The following KAZN variants were observed in gnomAD, a reference collection of about 807,000 sequenced individuals.
The protein encoded by KAZN is kazrin, periplakin interacting protein.
A neutral mutation model predicts 87.4 loss-of-function variants in KAZN; 40 were observed. The observed-to-expected ratio is 0.46, with a 90% CI of 0.36 to 0.60. KAZN has a LOEUF of 0.60. Among genes scored for constraint, KAZN ranks in the 20% least tolerant of loss-of-function variants. The pLI is 0.00. For missense variants in KAZN, 898 were observed against 1,073.9 expected (o/e 0.84, Z 2.29); for synonymous variants, 466 against 458.3 (o/e 1.02, Z -0.22).
chr1:13,918,256 C>A (rs1639934197), intron 1 of KAZN, among the ~76,000 whole-genome samples: 3 of 152,252 alleles, frequency 2.0e-5, no homozygotes, highest in East Asian at 3.9e-4. Flanking sequence ...TGAGAAAAAT[C>A]AAAATATCAG....
chr1:14,596,898 A>C (rs1284021402), upstream of KAZN, among the ~76,000 whole-genome samples: 1 of 152,232 alleles, frequency 6.6e-6, no homozygotes, highest in Admixed American at 6.5e-5. Flanking sequence ...TGCTGCTATG[A>C]ACATTCATGT....
rs34718502 is a variant in KAZN at position 14,890,840 on chromosome 1, C to CTTTTTTT, written c.227-69827_227-69821dup. Among the ~76,000 whole-genome samples the CTTTTTTT allele has an allele frequency of 3.3e-4, 23 of 69,670 alleles. 1 individual carries two copies. Among genetic ancestry groups the CTTTTTTT allele is most frequent in the African/African-American group, 7.3e-4 (12 of 16,426 alleles). The allele number at this position is 69,670 out of a possible 152,430, so 45.7% of individuals were successfully genotyped here. A position where few individuals can be genotyped will look rare whatever the true frequency, so the allele number is the denominator to read the frequency against. ...CACTGTGCCCAGCCAGGAATCTGGA[C>CTTTTTTT]TTTTTTTTTTTTTTTTTTTTTTTGA... On this transcript the variant is annotated intron_variant, in intron 1 of 14. Coordinates refer to ENST00000376030, the MANE Select transcript of KAZN (RefSeq NM_201628.3).
At chr1:14,215,636 G>A (rs1646942681) in intron 2 of KAZN, among the ~76,000 whole-genome samples, 1 of 152,164 alleles carries the variant, frequency 6.6e-6, no homozygotes, top group Non-Finnish European at 1.5e-5. Flanking sequence ...AACTGCTATA[G>A]GTCTGGCGCT....
rs548590883 is a variant in KAZN, at chr1:14,736,530, C to T, written c.226+137307C>T. On this transcript the variant is annotated intron_variant, in intron 1 of 14. Coordinates refer to ENST00000376030, the MANE Select transcript of KAZN (RefSeq NM_201628.3). ...TTCATCGTGTTGGTCAGGCTGATCT[C>T]GAACTCCTCACCTCAGGTGATCCAC... Among the ~76,000 whole-genome samples the T allele has an allele frequency of 6.3e-5, 9 of 142,290 alleles. No homozygotes were observed. In the East Asian group the frequency reaches 1.3e-3, roughly 20 times the overall value. 93.3% of individuals were successfully genotyped at this position (142,290 alleles called of 152,430 possible).
intron 1 of KAZN, among the ~76,000 whole-genome samples, chr1:14,749,596 C>T (rs549750137): frequency 2.6e-5 from 4 of 152,276 alleles, no homozygotes; most frequent in African/African-American, 9.6e-5. Context: ...CCTGTGGTTA[C>T]AGGAGGAAGG....
chr1:13,970,157 ATTC>A (rs1217969769), intron 1 of KAZN, among the ~76,000 whole-genome samples: 2 of 152,210 alleles, frequency 1.3e-5, no homozygotes, highest in African/African-American at 4.8e-5. Context: ...AAATAAGTAT[ATTC>A]TTGGTTTTTA....
At chr1:14,870,924 G>A (rs12738857) in intron 1 of KAZN, among the ~76,000 whole-genome samples, 25,170 of 152,184 alleles carry the variant, frequency 0.17, 2,684 homozygotes, top group Non-Finnish European at 0.24. Flanking sequence ...ATGAATGGCC[G>A]CCTCCACACC....
intron 1 of KAZN, among the ~76,000 whole-genome samples, chr1:14,628,155 G>A (rs1679286095): frequency 6.6e-6 from 1 of 152,202 alleles, no homozygotes; most frequent in Non-Finnish European, 1.5e-5. Flanking sequence ...GATTACACCT[G>A]ATCTGGTCCT....
At chr1:14,490,515 A>G (rs910953181) in intron 2 of KAZN, among the ~76,000 whole-genome samples, 4 of 151,948 alleles carry the variant, frequency 2.6e-5, no homozygotes, top group African/African-American at 9.7e-5. Context: ...GTTTTTTGAG[A>G]TGGAGTCTCG....
intron 2 of KAZN, among the ~76,000 whole-genome samples, chr1:14,226,940 T>C (rs1051957234): frequency 2.6e-5 from 4 of 152,094 alleles, no homozygotes; most frequent in Admixed American, 2.6e-4. Context: ...AACCTACAGG[T>C]TGGGTACTAC....
At chr1:14,222,431 C>T (rs1292591340) in intron 2 of KAZN, among the ~76,000 whole-genome samples, 3 of 152,154 alleles carry the variant, frequency 2.0e-5, no homozygotes, top group East Asian at 1.9e-4. Flanking sequence ...GTTAAAGCTT[C>T]GCTTTTCTTG....
chr1:14,891,035 G>A lies in KAZN; in HGVS notation c.227-69649G>A, dbSNP rs946300178. 1.5e-4 allele frequency among the ~76,000 whole-genome samples: 23 copies of A among 150,984 alleles called. 1 individual carries two copies. Among genetic ancestry groups the A allele is most frequent in the Admixed American group, 6.6e-5 (1 of 15,130 alleles). On this transcript the variant is annotated intron_variant, in intron 1 of 14. Transcript: ENST00000376030. ...ACTTTTTTGTATTTTTAGTAGAGAT[G>A]GAGTTTCACCGTGTTAGCCAGGATG...
intron 2 of KAZN, among the ~76,000 whole-genome samples, chr1:14,286,517 G>C (rs1316845504): frequency 2.0e-5 from 3 of 152,206 alleles, no homozygotes; most frequent in Non-Finnish European, 4.4e-5. Flanking sequence ...GTAAGGATTA[G>C]ACCATCCATG....
chr1:14,589,306 C>G (rs17361593), intron 2 of KAZN, among the ~76,000 whole-genome samples: 11,344 of 146,842 alleles, frequency 0.077, 578 homozygotes, highest in Middle Eastern at 0.14. Context: ...TTGCTTTACA[C>G]CTCCTCAGCA....
chr1:14,639,995 A>G (rs951195747), intron 1 of KAZN, among the ~76,000 whole-genome samples: 4 of 152,154 alleles, frequency 2.6e-5, no homozygotes, highest in African/African-American at 9.7e-5. Flanking sequence ...TGGCTCAGCA[A>G]CGCTAGGTGG....
At chr1:14,618,605 A>G (rs1327976252) in intron 1 of KAZN, among the ~76,000 whole-genome samples, 2 of 152,216 alleles carry the variant, frequency 1.3e-5, no homozygotes, top group African/African-American at 4.8e-5. Flanking sequence ...TTAGTAGTCC[A>G]ATTTTGACAG....
intron 1 of KAZN, among the ~76,000 whole-genome samples, chr1:14,843,943 C>T (rs1648350584): frequency 6.6e-6 from 1 of 152,194 alleles, no homozygotes; most frequent in Non-Finnish European, 1.5e-5. Context: ...ATTGCCAATG[C>T]TTGGAACGAT....
At chr1:14,510,094 A>T (rs978285521) in intron 2 of KAZN, among the ~76,000 whole-genome samples, 1 of 152,196 alleles carries the variant, frequency 6.6e-6, no homozygotes, top group African/African-American at 2.4e-5. Flanking sequence ...CAAATAAAAT[A>T]CAGGACTTGG....
intron 1 of KAZN, among the ~76,000 whole-genome samples, chr1:14,728,297 A>T (rs1643514102): frequency 1.3e-5 from 2 of 149,738 alleles, no homozygotes; most frequent in African/African-American, 4.9e-5. Flanking sequence ...TATAAAAAAA[A>T]AAAAAAAAAA....
Sources: allele counts gnomAD v4.1 joint callset (sites outside exome capture counted in the v4.1 genomes callset), GRCh38; gene constraint gnomAD v4.1.1; transcripts MANE v1.5; gene names NCBI Gene and HGNC (gene_info 2026-07-23, HGNC 2026-07-21).